Variants in ZNF365 observed in about 807,000 individuals in gnomAD.
ZNF365 encodes zinc finger protein 365.
ZNF365 carries 22 observed loss-of-function variants against 35.0 expected under a neutral mutation model. The observed-to-expected ratio is 0.63, with a 90% CI of 0.45 to 0.90. The LOEUF is 0.90. Ranked by LOEUF, ZNF365 falls within the 40% of genes least tolerant of loss-of-function variation. ZNF365 has a pLI of 0.00. For missense variants in ZNF365, 448 were observed against 500.3 expected (o/e 0.90, Z 1.00); for synonymous variants, 188 against 196.2 (o/e 0.96, Z 0.35).
At chr10:62,411,836 G>T (rs1396066760) in intron 3 of ZNF365, among the ~76,000 whole-genome samples, 1 of 152,024 alleles carries the variant, frequency 6.6e-6, no homozygotes, top group East Asian at 1.9e-4. Context: ...CTGGGATGCA[G>T]CTAAAGTAGT....
chr10:62,465,015 G>A (rs1010930965), intron 4 of ZNF365, among the ~76,000 whole-genome samples: 6 of 152,204 alleles, frequency 3.9e-5, no homozygotes, highest in African/African-American at 1.4e-4. Context: ...GCTCCCGGGT[G>A]CAGATGCAGC....
At chr10:62,473,591 G>C (rs2132492826) in intron 4 of ZNF365, among the ~76,000 whole-genome samples, 1 of 152,038 alleles carries the variant, frequency 6.6e-6, no homozygotes, top group South Asian at 2.1e-4. Flanking sequence ...TCTTCATCTG[G>C]GAAATGAAGA....
rs1840381545 is a variant in ZNF365 at position 62,434,696 on chromosome 10, G to T, written c.925-25045G>T. On this transcript the variant is annotated intron_variant, in intron 3 of 4. Coordinates refer to the ZNF365 transcript ENST00000395255. ...ATAGGACATTTCTCCCCTAAGCAAG[G>T]AAGTATACTGGAAATCAGAACAAAA... is the stretch of plus-strand genomic sequence containing the variant. Among the ~76,000 whole-genome samples the T allele has an allele frequency of 2.6e-5, 4 of 152,168 alleles. No homozygotes were observed. In the South Asian group the frequency reaches 8.3e-4, roughly 32 times the overall value.
intron 3 of ZNF365, among the ~76,000 whole-genome samples, chr10:62,416,345 A>C (rs1317940424): frequency 6.6e-6 from 1 of 152,160 alleles, no homozygotes; most frequent in African/African-American, 2.4e-5. Context: ...TACCCAAGTT[A>C]ATGTTCTCCT....
intron 4 of ZNF365, among the ~76,000 whole-genome samples, chr10:62,471,172 C>T (rs980175955): frequency 2.0e-5 from 3 of 151,956 alleles, no homozygotes; most frequent in Non-Finnish European, 4.4e-5. Context: ...CGAGATCATC[C>T]TGGCTAACAT....
intron 3 of ZNF365, among the ~76,000 whole-genome samples, chr10:62,414,815 G>C (rs1045693476): frequency 5.9e-5 from 9 of 152,112 alleles, no homozygotes; most frequent in Admixed American, 5.2e-4. Flanking sequence ...ATCCTTTTGG[G>C]ATACAGGCTA....
intron 3 of ZNF365, among the ~76,000 whole-genome samples, chr10:62,440,734 G>T (rs577069318): frequency 6.6e-6 from 1 of 152,252 alleles, no homozygotes; most frequent in Non-Finnish European, 1.5e-5. Flanking sequence ...GCTGAAATCC[G>T]ATTCCTGGTC....
Position 62,398,796 on chromosome 10 carries a change from A to G in ZNF365, c.962+19A>G. ...AATGCCTGTATGTATGTATTTTTAT[A>G]CTTGGGCCATTTGATAATGTTTGTA... is the stretch of plus-strand genomic sequence containing the variant. On this transcript the variant is annotated intron_variant, in intron 4 of 4. Coordinates refer to ENST00000395254, the MANE Select transcript of ZNF365 (RefSeq NM_014951.3). 6.2e-7 allele frequency: 1 copy of G among 1,606,638 alleles called. No homozygotes were observed. The highest frequency in any genetic ancestry group is 8.5e-7 in the Non-Finnish European group (1 of 1,176,170).
intron 3 of ZNF365, among the ~76,000 whole-genome samples, chr10:62,441,222 A>G (rs1312502043): frequency 3.3e-5 from 5 of 152,168 alleles, no homozygotes; most frequent in Non-Finnish European, 1.5e-5. Context: ...TGCAGAGCTG[A>G]GAGTCAAATC....
At chr10:62,476,286 A>C (rs1002594895) in intron 4 of ZNF365, among the ~76,000 whole-genome samples, 1 of 152,220 alleles carries the variant, frequency 6.6e-6, no homozygotes, top group Non-Finnish European at 1.5e-5. Flanking sequence ...CCTCAGAACC[A>C]CCTAAGTTTG....
chr10:62,384,014 T>C (rs1241097706), intron 2 of ZNF365, among the ~76,000 whole-genome samples: 2 of 152,158 alleles, frequency 1.3e-5, no homozygotes, highest in Admixed American at 6.5e-5. Context: ...TTTCTTATAT[T>C]GTACTGGTAT....
At chr10:62,469,476 G>A (rs768736518) in intron 4 of ZNF365, among the ~76,000 whole-genome samples, 2 of 152,176 alleles carry the variant, frequency 1.3e-5, no homozygotes, top group Non-Finnish European at 2.9e-5. Context: ...GTTTTTTAGC[G>A]ATGGACTGAA....
At chr10:62,414,290 C>G (rs915479309) in intron 3 of ZNF365, among the ~76,000 whole-genome samples, 2 of 152,038 alleles carry the variant, frequency 1.3e-5, no homozygotes, top group African/African-American at 2.4e-5. Flanking sequence ...GCCTCAACCT[C>G]CTGGGCTCAG....
intron 2 of ZNF365, among the ~76,000 whole-genome samples, chr10:62,380,612 CATTGTAA>C (rs1178505506): frequency 6.6e-6 from 1 of 152,180 alleles, no homozygotes; most frequent in Non-Finnish European, 1.5e-5. Flanking sequence ...TGGTCAGTCT[CATTGTAA>C]ACCCGTAGAA....
chr10:62,462,463 C>A (rs1008782194), intron 4 of ZNF365, among the ~76,000 whole-genome samples: 10 of 152,180 alleles, frequency 6.6e-5, no homozygotes, highest in African/African-American at 1.7e-4. Context: ...GGAGGCTAGA[C>A]CCTAAGGGTG....
At chr10:62,406,113 C>T (rs376483247), downstream of ZNF365, among the ~76,000 whole-genome samples, 26 of 152,224 alleles carry the variant, frequency 1.7e-4, no homozygotes, top group African/African-American at 5.3e-4. Context: ...GAATTTGCCC[C>T]GCATGCCCTG....
chr10:62,391,995 T>C (rs1314488925), intron 3 of ZNF365, among the ~76,000 whole-genome samples: 1 of 152,240 alleles, frequency 6.6e-6, no homozygotes, highest in Non-Finnish European at 1.5e-5. Flanking sequence ...ATTTCCCTGA[T>C]CATTAGTAAT....
chr10:62,452,380 C>T (rs1487487945), intron 3 of ZNF365, among the ~76,000 whole-genome samples: 1 of 152,090 alleles, frequency 6.6e-6, no homozygotes, highest in African/African-American at 2.4e-5. Context: ...GGAAAATTAA[C>T]CACCCCCAGA....
At chr10:62,466,366 C>T (rs1029662438) in intron 4 of ZNF365, among the ~76,000 whole-genome samples, 11 of 152,220 alleles carry the variant, frequency 7.2e-5, no homozygotes, top group Admixed American at 2.6e-4. Context: ...GCTGCAGCAG[C>T]TGGTGTGCCT....
Sources: gnomAD v4.1 joint callset for allele counts (sites outside exome capture counted in the v4.1 genomes callset) on GRCh38, gnomAD v4.1.1 for gene constraint, MANE v1.5 for transcripts, NCBI Gene and HGNC (gene_info 2026-07-23, HGNC 2026-07-21) for gene names.